Variants in CCDC18 observed in about 807,000 individuals in gnomAD.
The protein encoded by CCDC18 is coiled-coil domain-containing protein 18.
In CCDC18, 157 loss-of-function variants were observed where a neutral mutation model predicts 196.0. The ratio of observed to expected loss-of-function variants is 0.80; its 90% confidence interval spans 0.70 to 0.91. CCDC18 has a LOEUF of 0.91. Among genes scored for constraint, CCDC18 ranks in the 40% least tolerant of loss-of-function variants. The pLI is 0.00. For synonymous variants in CCDC18, 482 were observed against 529.2 expected (o/e 0.91, Z 1.22); for missense variants, 1,465 against 1,611.6 (o/e 0.91, Z 1.56).
chr1:93,271,557 G>C, intron 28 of CCDC18: 1 of 983,854 alleles, frequency 1.0e-6, no homozygotes, highest in Non-Finnish European at 1.2e-6. Flanking sequence ...ACTCTAAGCT[G>C]GGTGCAGTGG....
intron 23 of CCDC18, among the ~76,000 whole-genome samples, chr1:93,251,397 G>A (rs999438431): frequency 6.6e-5 from 10 of 152,174 alleles, no homozygotes; most frequent in African/African-American, 2.4e-4. Flanking sequence ...CAGTGTTGGT[G>A]TAACAGTCAC....
At chr1:93,274,834 C>T (rs1314609441) in intron 28 of CCDC18, among the ~76,000 whole-genome samples, 1 of 152,182 alleles carries the variant, frequency 6.6e-6, no homozygotes, top group Non-Finnish European at 1.5e-5. Flanking sequence ...CTAAACAAAA[C>T]AAACAAACGT....
chr1:93,181,613 G>T (rs1430702160), intron 1 of CCDC18, among the ~76,000 whole-genome samples: 1 of 151,950 alleles, frequency 6.6e-6, no homozygotes, highest in Non-Finnish European at 1.5e-5. Context: ...GAAGAGTTAG[G>T]GAGTTCTTTC....
chr1:93,214,925 C>T lies in CCDC18; in HGVS notation c.1678C>T (p.Leu560=), dbSNP rs1656241038. The T allele has an allele frequency of 1.2e-6, 2 of 1,609,486 alleles. No homozygotes were observed. The highest frequency in any genetic ancestry group is 1.7e-6 in the Non-Finnish European group (2 of 1,177,378). The change falls in exon 12 of 29, where the codon CTG becomes TTG. Residue 560 remains leucine, a synonymous_variant. Coordinates refer to ENST00000690025, the MANE Select transcript of CCDC18 (RefSeq NM_001378204.1). ...TSQFQLIQEE[L]LEKASNSSKL... ...TCAGTTTCAGCTGATTCAAGAGGAG[C>T]TGCTAGAGAAAGCTTCAAACTCCAG...
chr1:93,273,733 G>C (rs1665482662), intron 28 of CCDC18: 1 of 152,144 alleles, frequency 6.6e-6, no homozygotes, highest in South Asian at 2.1e-4. Context: ...AGTGACCCTT[G>C]CAGTCATAGA....
At chr1:93,263,844 G>C (rs1281156310) in intron 26 of CCDC18, among the ~76,000 whole-genome samples, 1 of 152,126 alleles carries the variant, frequency 6.6e-6, no homozygotes, top group African/African-American at 2.4e-5. Flanking sequence ...TAAAAACTGT[G>C]AGTCAATTAA....
At chr1:93,238,714 A>G (rs1268730524) in intron 19 of CCDC18, among the ~76,000 whole-genome samples, 2 of 152,198 alleles carry the variant, frequency 1.3e-5, no homozygotes, top group African/African-American at 4.8e-5. Flanking sequence ...CCGTATTAGA[A>G]TAAGTTCAGG....
chr1:93,232,452 GAT>G lies in CCDC18; in HGVS notation c.2321_2322del (p.Ile774LysfsTer10). 6.2e-7 allele frequency: 1 copy of G among 1,604,488 alleles called. No individual in the cohort carries two copies. The highest frequency in any genetic ancestry group is 8.5e-7 in the Non-Finnish European group (1 of 1,174,132). On this transcript the variant is annotated frameshift_variant, in exon 18 of 29. Transcript: ENST00000690025. LOFTEE classifies it high-confidence loss of function. ...EVYCLQKELK[I>X]KNHSLQETSE... ...TATATTGTTTACAGAAAGAGCTAAA[GAT>G]AAAAAATCACAGTCTTCAAGAGACT...
At chr1:93,183,926 G>A (rs374297579) in intron 2 of CCDC18, 52 bp from the exon 3 acceptor site, 34 of 1,165,032 alleles carry the variant, frequency 2.9e-5, no homozygotes, top group Non-Finnish European at 4.0e-5. Context: ...ATAGCAATTT[G>A]TAGTGAATAA....
intron 3 of CCDC18, among the ~76,000 whole-genome samples, chr1:93,185,910 A>G (rs1258425257): frequency 1.3e-5 from 2 of 151,926 alleles, no homozygotes; most frequent in African/African-American, 4.8e-5. Flanking sequence ...ATATTTATAC[A>G]GATGAAATAA....
intron 1 of CCDC18, among the ~76,000 whole-genome samples, chr1:93,182,201 C>A (rs1237989365): frequency 6.6e-6 from 1 of 152,184 alleles, no homozygotes; most frequent in Non-Finnish European, 1.5e-5. Context: ...CATAGTATCT[C>A]ATTTAATTTC....
chr1:93,188,173 G>A (rs947270354), intron 4 of CCDC18, among the ~76,000 whole-genome samples: 9 of 152,132 alleles, frequency 5.9e-5, no homozygotes, highest in Admixed American at 5.9e-4. Flanking sequence ...TTTTAGGGAA[G>A]CCACCTATTT....
intron 3 of CCDC18, 22 bp from the exon 4 acceptor site, chr1:93,186,323 T>G (rs1650670088): frequency 6.3e-7 from 1 of 1,596,650 alleles, no homozygotes; most frequent in South Asian, 1.1e-5. Flanking sequence ...GAAAATATAT[T>G]TGTTCTTTTT....
intron 4 of CCDC18, among the ~76,000 whole-genome samples, chr1:93,189,278 C>T (rs571629979): frequency 9.4e-4 from 143 of 152,278 alleles, no homozygotes; most frequent in Non-Finnish European, 1.6e-3. Flanking sequence ...TCTTTAGTTC[C>T]ATCCATGTTG....
rs554194509 is a variant in CCDC18, at chr1:93,210,903, T to C, written c.1311T>C (p.Asn437=). The C allele has an allele frequency of 6.2e-7, 1 of 1,613,924 alleles. No homozygotes were observed. Among genetic ancestry groups the C allele is most frequent in the African/African-American group, 1.3e-5 (1 of 75,028 alleles). Reference sequence around the variant, plus strand: ...GTTGCATTGGCTGCTGTGAGGCAAATAAATTGGTGATTTCGGAATTGAGGT... The same window carrying C: ...GTTGCATTGGCTGCTGTGAGGCAAACAAATTGGTGATTTCGGAATTGAGGT... The part of the protein sequence containing the change: ...EDRCIGCCEA[N]KLVISELRIK... Residue 437 remains asparagine (N), a synonymous_variant, in exon 10 of 29, where the codon AAT becomes AAC. Coordinates refer to ENST00000690025, the MANE Select transcript of CCDC18 (RefSeq NM_001378204.1).
At position 93,212,104 on chromosome 1, in the gene CCDC18, T is replaced by G. The variant is rs751076096; in HGVS notation, c.1338T>G (p.Ile446Met). ...CCCTTCTTTTCTTTTGTGCCAGAATTAAGCTTGCAATAAAAGAGGCAGAAA... is the reference window on the plus strand; with the variant it reads ...CCCTTCTTTTCTTTTGTGCCAGAATGAAGCTTGCAATAAAAGAGGCAGAAA... ...ANKLVISELR[I>M]KLAIKEAEIQ... is the part of the protein sequence containing the mutation. The change falls in exon 11 of 29, where the codon ATT becomes ATG. Residue 446 changes from isoleucine (I) to methionine (M), a missense_variant. By Grantham distance (10) the Ile-to-Met change is conservative (BLOSUM62 1). Coordinates refer to ENST00000690025, the MANE Select transcript of CCDC18 (RefSeq NM_001378204.1). The G allele has an allele frequency of 3.8e-6, 6 of 1,597,820 alleles. No individual in the cohort carries two copies. In the African/African-American group the frequency reaches 4.1e-5, roughly 11 times the overall value.
chr1:93,183,959 T>G lies in CCDC18; in HGVS notation c.135-19T>G, dbSNP rs761397487. ...TAAACTATCCAAGAACTGAAATATG[T>G]TTTTTCTTTTTTCTCTAGTGTTAGT... On this transcript the variant is annotated intron_variant, in intron 2 of 28. Coordinates refer to ENST00000690025, the MANE Select transcript of CCDC18 (RefSeq NM_001378204.1). The G allele has an allele frequency of 6.9e-7, 1 of 1,449,214 alleles. No homozygotes were observed. The highest frequency in any genetic ancestry group is 1.6e-5 in the South Asian group (1 of 62,572). 89.8% of individuals were successfully genotyped at this position (1,449,214 alleles called of 1,614,324 possible).
chr1:93,239,925 CA>C (rs765966729), intron 21 of CCDC18, 29 bp downstream of exon 21: 39 of 1,339,266 alleles, frequency 2.9e-5, no homozygotes, highest in Non-Finnish European at 2.3e-5. Context: ...AATTATATCA[CA>C]GTTATAAGTC....
rs1278113782 is a variant in CCDC18 at position 93,214,884 on chromosome 1, T to C, written c.1637T>C (p.Met546Thr). 1.5e-5 allele frequency: 24 copies of C among 1,613,448 alleles called. No homozygotes were observed. Among genetic ancestry groups the C allele is most frequent in the Non-Finnish European group, 1.9e-5 (23 of 1,179,716 alleles). ...GAAAATTCTGATTTGAAGGTTAACA[T>C]GGCTCACAGAACTAGTCAGTTTCAG... Reference protein sequence around the residue: ...EAENSDLKVNMAHRTSQFQLI... With the variant: ...EAENSDLKVNTAHRTSQFQLI... Residue 546 changes from methionine (M) to threonine (T), a missense_variant, in exon 12 of 29, where the codon ATG (methionine) becomes ACG (threonine). By Grantham distance (81) the Met-to-Thr change is moderately conservative. Coordinates refer to ENST00000690025, the MANE Select transcript of CCDC18 (RefSeq NM_001378204.1).
Sources: gnomAD v4.1 joint callset for allele counts (sites outside exome capture counted in the v4.1 genomes callset) on GRCh38, gnomAD v4.1.1 for gene constraint, MANE v1.5 for transcripts, NCBI Gene and HGNC (gene_info 2026-07-23, HGNC 2026-07-21) for gene names.